The following DEFB119 variants were observed in gnomAD, a reference collection of about 807,000 sequenced individuals.
The protein encoded by DEFB119 is defensin beta 119, also known as beta-defensin 119.
In DEFB119, 3 loss-of-function variants were observed where a neutral mutation model predicts 2.5. The observed-to-expected ratio is 1.19, with a 90% CI of 0.54 to 3.07. The LOEUF is 3.07. Ranked by LOEUF, DEFB119 falls within the 30% of genes most tolerant of loss-of-function variation. DEFB119 has a pLI of 0.03. For missense variants in DEFB119, 113 were observed against 101.1 expected (o/e 1.12, Z -0.50); for synonymous variants, 29 against 33.7 (o/e 0.86, Z 0.48).
rs544397361 is a variant in DEFB119, at chr20:31,390,461, A to G, written c.23T>C (p.Leu8Pro). 6.2e-7 allele frequency: 1 copy of G among 1,613,224 alleles called. No individual in the cohort carries two copies. Among genetic ancestry groups the G allele is most frequent in the East Asian group, 2.2e-5 (1 of 44,804 alleles). MKLLYLF[L>P]AILLAIEEPV... Reference sequence around the variant, plus strand: ...TTCTTCTATGGCCAGAAGGATGGCAAGAAACAGGTAAAGAAGTTTCATGGC... The same window carrying G: ...TTCTTCTATGGCCAGAAGGATGGCAGGAAACAGGTAAAGAAGTTTCATGGC... The change falls in exon 1 of 2, where the codon CTT becomes CCT. Residue 8 changes from leucine (L) to proline (P), a missense_variant. Physicochemically the swap from Leu to Pro is moderately conservative, Grantham distance 98. Coordinates refer to ENST00000376321, the MANE Select transcript of DEFB119 (RefSeq NM_153289.4).
chr20:31,379,744 C>T (rs1364276131), intron 1 of DEFB119, among the ~76,000 whole-genome samples: 2 of 151,202 alleles, frequency 1.3e-5, no homozygotes, highest in Non-Finnish European at 2.9e-5. Flanking sequence ...CAGCTCACTG[C>T]AAGCTCTGCA....
intron 1 of DEFB119, chr20:31,388,966 A>G: frequency 1.3e-6 from 2 of 1,590,530 alleles, no homozygotes; most frequent in Non-Finnish European, 1.7e-6. Flanking sequence ...AGACACCAGA[A>G]ACAAATTTGT....
intron 1 of DEFB119, among the ~76,000 whole-genome samples, chr20:31,383,098 A>G (rs1220206606): frequency 1.3e-5 from 2 of 152,246 alleles, no homozygotes; most frequent in East Asian, 3.9e-4. Context: ...AATTTTCTTA[A>G]CTGATGATAT....
intron 1 of DEFB119, among the ~76,000 whole-genome samples, chr20:31,379,786 C>G (rs1266521361): frequency 1.3e-5 from 2 of 152,094 alleles, no homozygotes; most frequent in African/African-American, 4.8e-5. Context: ...CTGCCTCAGC[C>G]TCCCCAGCAG....
At chr20:31,377,625 T>C (rs1023124813) in intron 1 of DEFB119, among the ~76,000 whole-genome samples, 186 bp from the exon 2 acceptor site, 1 of 151,068 alleles carries the variant, frequency 6.6e-6, no homozygotes, top group African/African-American at 2.5e-5. Flanking sequence ...AAGTTCGGTT[T>C]AAAACCCTGG....
At chr20:31,388,279 A>G in intron 1 of DEFB119, 1 of 985,628 alleles carries the variant, frequency 1.0e-6, no homozygotes, top group Non-Finnish European at 1.2e-6. Context: ...AAATCCTTGA[A>G]TAAATCAATG....
Position 31,377,346 on chromosome 20 carries a change from C to A in DEFB119, c.155G>T (p.Cys52Phe). Residue 52 changes from cysteine (C) to phenylalanine (F), a missense_variant, in exon 2 of 2, where the codon TGT becomes TTT. By Grantham distance (205) the Cys-to-Phe change is radical. Coordinates refer to ENST00000376321, the MANE Select transcript of DEFB119 (RefSeq NM_153289.4). ...GTAGGACTGGAGGCAGCAGGACTGACAATTTCTGCAATAGAGGTAGGGCTG... is the reference window on the plus strand; with the variant it reads ...GTAGGACTGGAGGCAGCAGGACTGAAAATTTCTGCAATAGAGGTAGGGCTG... ...NEQPYLYCRN[C>F]QSCCLQSYMR... 2 of 1,614,138 alleles carry A rather than the reference C, an allele frequency of 1.2e-6. No individual in the cohort carries two copies. The highest frequency in any genetic ancestry group is 1.7e-6 in the Non-Finnish European group (2 of 1,180,020).
intron 1 of DEFB119, among the ~76,000 whole-genome samples, chr20:31,384,334 G>A (rs936116526): frequency 1.3e-5 from 2 of 152,084 alleles, no homozygotes; most frequent in Non-Finnish European, 2.9e-5. Context: ...TTGAGGTAAT[G>A]GATATCCCAT....
intron 1 of DEFB119, chr20:31,388,910 T>TCCCCCCC: frequency 7.7e-7 from 1 of 1,302,172 alleles, no homozygotes; most frequent in Non-Finnish European, 1.0e-6. Flanking sequence ...CCCCCTGCCA[T>TCCCCCCC]CCCCCCACCC....
chr20:31,388,921 T>A, intron 1 of DEFB119: 6,458 of 998,774 alleles, frequency 6.5e-3, no homozygotes, highest in Non-Finnish European at 8.3e-3. Context: ...CCCCCCACCC[T>A]CAATCCATTT....
intron 1 of DEFB119, among the ~76,000 whole-genome samples, chr20:31,389,988 A>G (rs1381693128): frequency 3.3e-5 from 5 of 151,740 alleles, no homozygotes; most frequent in Non-Finnish European, 7.4e-5. Flanking sequence ...CCCAAATCCC[A>G]TCCTGTCTCC....
chr20:31,385,607 C>G (rs2122306384), intron 1 of DEFB119, among the ~76,000 whole-genome samples: 1 of 152,232 alleles, frequency 6.6e-6, no homozygotes, highest in Non-Finnish European at 1.5e-5. Flanking sequence ...TGGCTCATGA[C>G]TGTAATCCCA....
chr20:31,388,261 T>C (rs1264647952), intron 1 of DEFB119: 2 of 985,436 alleles, frequency 2.0e-6, no homozygotes, highest in Admixed American at 1.2e-4. Flanking sequence ...ACACAGTTCA[T>C]ATTTCATAAA....
At chr20:31,387,423 G>A (rs889616824) in intron 1 of DEFB119, among the ~76,000 whole-genome samples, 12 of 152,166 alleles carry the variant, frequency 7.9e-5, no homozygotes, top group South Asian at 2.1e-4. Context: ...ATACTTAAAT[G>A]TTTTAATCAA....
intron 1 of DEFB119, among the ~76,000 whole-genome samples, chr20:31,380,415 G>A (rs1215759500): frequency 6.6e-6 from 1 of 152,066 alleles, no homozygotes; most frequent in East Asian, 1.9e-4. Flanking sequence ...TAGAGGCACA[G>A]TCACCACACT....
At chr20:31,384,100 A>G (rs1301712432) in intron 1 of DEFB119, among the ~76,000 whole-genome samples, 3 of 152,220 alleles carry the variant, frequency 2.0e-5, no homozygotes, top group Non-Finnish European at 2.9e-5. Flanking sequence ...ATAAGGATAC[A>G]TTTAGATATT....
At chr20:31,377,699 G>A (rs1164767738) in intron 1 of DEFB119, among the ~76,000 whole-genome samples, 12 of 152,040 alleles carry the variant, frequency 7.9e-5, no homozygotes. Context: ...AGAAGAACAA[G>A]GCAGGGACCT....
intron 1 of DEFB119, chr20:31,388,103 A>G: frequency 1.0e-6 from 1 of 985,384 alleles, no homozygotes; most frequent in Non-Finnish European, 1.2e-6. Context: ...AGGACTTGAG[A>G]ATAAAGTCTG....
chr20:31,387,170 A>G (rs1020623911), intron 1 of DEFB119, among the ~76,000 whole-genome samples: 1 of 152,184 alleles, frequency 6.6e-6, no homozygotes, highest in African/African-American at 2.4e-5. Context: ...AGAAATGATA[A>G]ATGTTTGAGG....
Sources: gnomAD v4.1 joint callset for allele counts (sites outside exome capture counted in the v4.1 genomes callset) on GRCh38, gnomAD v4.1.1 for gene constraint, MANE v1.5 for transcripts, NCBI Gene and HGNC (gene_info 2026-07-23, HGNC 2026-07-21) for gene names.